The following CSMD1 variants were observed in gnomAD, a reference collection of about 807,000 sequenced individuals.
The protein encoded by CSMD1 is CUB and sushi domain-containing protein 1.
A neutral mutation model predicts 417.5 loss-of-function variants in CSMD1; 213 were observed. That is an observed-to-expected ratio of 0.51 (90% CI 0.46 to 0.57). The LOEUF is 0.57. Ranked by LOEUF, CSMD1 falls within the 20% of genes least tolerant of loss-of-function variation. The probability of loss-of-function intolerance (pLI) is 0.00; values close to 1 mark genes in which losing one functional copy is unlikely to be tolerated. For synonymous variants in CSMD1, 2,862 were observed against 1,736.8 expected, an observed-to-expected ratio of 1.65 and a Z score of -16.11; for missense variants, 6,923 against 4,529.7, an observed-to-expected ratio of 1.53 and a Z score of -15.17.
intron 10 of CSMD1, among the ~76,000 whole-genome samples, chr8:3,512,819 T>C (rs1585282701): frequency 6.6e-6 from 1 of 152,002 alleles, no homozygotes; most frequent in Non-Finnish European, 1.5e-5. Context: ...TTGGCTAGGA[T>C]GGTCTTGATC....
At chr8:4,219,386 A>G (rs1041770072) in intron 3 of CSMD1, among the ~76,000 whole-genome samples, 2 of 152,196 alleles carry the variant, frequency 1.3e-5, no homozygotes, top group African/African-American at 4.8e-5. Flanking sequence ...AGTGCTCAAT[A>G]AATATTTATA....
intron 7 of CSMD1, among the ~76,000 whole-genome samples, chr8:3,657,929 G>A (rs1798212864): frequency 6.6e-6 from 1 of 151,952 alleles, no homozygotes; most frequent in African/African-American, 2.4e-5. Flanking sequence ...TCCTTTTTCT[G>A]ATGGGGAGGG....
At chr8:4,911,780 G>A (rs1003333610) in intron 1 of CSMD1, among the ~76,000 whole-genome samples, 10 of 152,098 alleles carry the variant, frequency 6.6e-5, no homozygotes, top group South Asian at 2.1e-4. Flanking sequence ...CATAGAAGCC[G>A]CCAGATCAAT....
chr8:4,342,434 C>G (rs1390040298), intron 3 of CSMD1, among the ~76,000 whole-genome samples: 1 of 152,018 alleles, frequency 6.6e-6, no homozygotes, highest in Admixed American at 6.6e-5. Flanking sequence ...CTGTTGAAAA[C>G]TATTCTGGCT....
intron 26 of CSMD1, among the ~76,000 whole-genome samples, chr8:3,237,896 T>C (rs940113089): frequency 5.7e-5 from 8 of 141,050 alleles, no homozygotes; most frequent in Non-Finnish European, 9.4e-5. Context: ...ATAATTTTTA[T>C]AATTATACTT....
intron 5 of CSMD1, among the ~76,000 whole-genome samples, chr8:3,782,988 A>C (rs1458413175): frequency 2.0e-5 from 3 of 152,194 alleles, no homozygotes; most frequent in African/African-American, 7.2e-5. Context: ...AGCTATAAGC[A>C]AAATTAAGCA....
At chr8:4,370,493 G>C (rs183485886) in intron 3 of CSMD1, among the ~76,000 whole-genome samples, 5 of 152,182 alleles carry the variant, frequency 3.3e-5, no homozygotes, top group African/African-American at 7.2e-5. Context: ...TGTCCTAATG[G>C]GACTGGAAGG....
At chr8:4,571,660 T>A (rs549046730) in intron 2 of CSMD1, among the ~76,000 whole-genome samples, 2 of 152,126 alleles carry the variant, frequency 1.3e-5, no homozygotes, top group South Asian at 4.1e-4. Context: ...CTAGGTCCAC[T>A]GAGTTCAAGT....
At chr8:3,072,623 T>G (rs886782151) in intron 49 of CSMD1, among the ~76,000 whole-genome samples, 1 of 152,246 alleles carries the variant, frequency 6.6e-6, no homozygotes, top group South Asian at 2.1e-4. Flanking sequence ...CCCTCAGATG[T>G]TTCATTTGTG....
chr8:3,965,428 G>C (rs1812615905), intron 5 of CSMD1, among the ~76,000 whole-genome samples: 1 of 152,058 alleles, frequency 6.6e-6, no homozygotes, highest in South Asian at 2.1e-4. Context: ...ATGGCCTTCG[G>C]AAAAAGGGTA....
chr8:4,559,205 T>C (rs1384000957), intron 2 of CSMD1, among the ~76,000 whole-genome samples: 1 of 152,184 alleles, frequency 6.6e-6, no homozygotes, highest in Non-Finnish European at 1.5e-5. Context: ...TTTAGTCTCT[T>C]ATGACTTTAA....
chr8:4,800,815 G>A (rs555361120), intron 1 of CSMD1, among the ~76,000 whole-genome samples: 2 of 152,338 alleles, frequency 1.3e-5, no homozygotes, highest in African/African-American at 4.8e-5. Context: ...GAGGGCACCT[G>A]AGTGGTGGGT....
intron 5 of CSMD1, among the ~76,000 whole-genome samples, chr8:3,772,379 T>TATATA (rs1563064092): frequency 5.6e-4 from 9 of 16,000 alleles, no homozygotes; most frequent in Admixed American, 1.5e-3. Context: ...ATACATATAT[T>TATATA]CATATATTTA....
At chr8:3,415,555 C>G (rs1305454389) in intron 12 of CSMD1, among the ~76,000 whole-genome samples, 4 of 152,198 alleles carry the variant, frequency 2.6e-5, no homozygotes, top group African/African-American at 9.6e-5. Context: ...GATGGAGTTT[C>G]ACCATGTTGG....
intron 3 of CSMD1, among the ~76,000 whole-genome samples, chr8:4,201,987 C>T (rs17069400): frequency 0.09 from 13,631 of 151,826 alleles, 905 homozygotes; most frequent in African/African-American, 0.18. Flanking sequence ...ATCCTACTTG[C>T]ATTTTGATGA....
chr8:4,975,747 G>C (rs561477363), intron 1 of CSMD1, among the ~76,000 whole-genome samples: 23 of 152,196 alleles, frequency 1.5e-4, no homozygotes, highest in Middle Eastern at 3.4e-3. Flanking sequence ...ATGAAGACAC[G>C]GCCAACTGTT....
intron 22 of CSMD1, among the ~76,000 whole-genome samples, chr8:3,344,943 G>C (rs544912354): frequency 1.2e-4 from 19 of 152,222 alleles, no homozygotes; most frequent in African/African-American, 4.1e-4. Flanking sequence ...CCATTATTTG[G>C]TTTATTCCAT....
intron 12 of CSMD1, among the ~76,000 whole-genome samples, chr8:3,415,505 G>C (rs1475895126): frequency 1.3e-5 from 2 of 152,142 alleles, no homozygotes; most frequent in African/African-American, 4.8e-5. Context: ...TTATACGCAT[G>C]CATCATCACG....
At chr8:3,818,752 G>T (rs1006280831) in intron 5 of CSMD1, among the ~76,000 whole-genome samples, 1 of 152,130 alleles carries the variant, frequency 6.6e-6, no homozygotes, top group Non-Finnish European at 1.5e-5. Flanking sequence ...ATAGACAGAT[G>T]GTGTTAAAAC....
Sources: allele counts gnomAD v4.1 joint callset (sites outside exome capture counted in the v4.1 genomes callset), GRCh38; gene constraint gnomAD v4.1.1; transcripts MANE v1.5; gene names NCBI Gene and HGNC (gene_info 2026-07-23, HGNC 2026-07-21).